BCAS3: variants seen among roughly 807,000 people sequenced by gnomAD.
BCAS3 encodes the protein BCAS4/BCAS3 fusion.
In BCAS3, 53 loss-of-function variants were observed where a neutral mutation model predicts 116.1. The ratio of observed to expected loss-of-function variants is 0.46; its 90% CI spans 0.37 to 0.57. The LOEUF (loss-of-function observed/expected upper bound fraction) is 0.57, where lower values mean the gene tolerates loss of function less well. BCAS3 is among the 20% of genes least tolerant of loss of function. The pLI is 0.00. For synonymous variants in BCAS3, 391 were observed against 408.2 expected, an observed-to-expected ratio of 0.96 and a Z score of 0.51; for missense variants, 917 against 1,165.4, an observed-to-expected ratio of 0.79 and a Z score of 3.10.
chr17:60,767,773 C>T (rs990775839), intron 6 of BCAS3, among the ~76,000 whole-genome samples: 9 of 151,944 alleles, frequency 5.9e-5, no homozygotes, highest in East Asian at 1.9e-4. Flanking sequence ...GTTAAATGGT[C>T]GAGTTGCTTC....
intron 22 of BCAS3, among the ~76,000 whole-genome samples, chr17:61,146,173 C>T (rs1014245092): frequency 1.4e-5 from 2 of 147,832 alleles, no homozygotes; most frequent in Non-Finnish European, 3.0e-5. Context: ...GGGATGTGAT[C>T]ACGGCTCACT....
At chr17:61,321,177 C>G (rs2055183562) in intron 22 of BCAS3, among the ~76,000 whole-genome samples, 1 of 152,042 alleles carries the variant, frequency 6.6e-6, no homozygotes, top group African/African-American at 2.4e-5. Flanking sequence ...TCTCCAGCTT[C>G]CCTTACCTCT....
Position 61,037,947 on chromosome 17 carries a change from A to G in BCAS3, c.1821A>G (p.Leu607=). 1 of 1,614,076 alleles carries G rather than the reference A, an allele frequency of 6.2e-7. No individual in the cohort carries two copies. Among genetic ancestry groups the G allele is most frequent in the Non-Finnish European group, 8.5e-7 (1 of 1,179,912 alleles). The change falls in exon 18 of 24, where the codon TTA becomes TTG. Residue 607 remains leucine (L), a synonymous_variant. Coordinates refer to ENST00000407086, the MANE Select transcript of BCAS3 (RefSeq NM_017679.5). This position sits in a 1 kb window ranked among gnomAD's most constrained non-coding sequence, Gnocchi z 4.7. ...ACATTATCAGTTGCTATGGCACCTT[A>G]GTGGAACACATGATGGAGCCGCGAC... ...SLYIISCYGT[L]VEHMMEPRPL... is the part of the protein sequence containing the mutation.
intron 15 of BCAS3, among the ~76,000 whole-genome samples, chr17:61,015,287 C>T (rs1306136815): frequency 6.6e-6 from 1 of 152,142 alleles, no homozygotes; most frequent in African/African-American, 2.4e-5. Context: ...CAGAATACTT[C>T]TTTTTTGTTT....
rs2079410683 is a variant in BCAS3 at position 61,180,404 on chromosome 17, A to G, written c.2425+95840A>G. 6.6e-6 allele frequency among the ~76,000 whole-genome samples: 1 copy of G among 152,236 alleles called. No homozygotes were observed. Among genetic ancestry groups the G allele is most frequent in the Non-Finnish European group, 1.5e-5 (1 of 68,042 alleles). On this transcript the variant is annotated intron_variant, in intron 22 of 23. Coordinates refer to ENST00000407086, the MANE Select transcript of BCAS3 (RefSeq NM_017679.5). This position sits in a 1 kb window ranked among gnomAD's most constrained non-coding sequence, Gnocchi z 6.0. ...GCTGTAATAAATAAACTCTAAGCCAATGTACTGTTAAACTGGGAGCCACTG... is the reference window on the plus strand; with the variant it reads ...GCTGTAATAAATAAACTCTAAGCCAGTGTACTGTTAAACTGGGAGCCACTG...
chr17:60,998,683 G>A (rs2064011372), intron 15 of BCAS3, among the ~76,000 whole-genome samples: 1 of 151,968 alleles, frequency 6.6e-6, no homozygotes, highest in African/African-American at 2.4e-5. Context: ...GGGGTCATTT[G>A]TTTTTTGCTT....
chr17:60,876,011 T>G (rs1339446699), intron 9 of BCAS3, among the ~76,000 whole-genome samples: 1 of 152,048 alleles, frequency 6.6e-6, no homozygotes, highest in Non-Finnish European at 1.5e-5. Flanking sequence ...TATCTACGTC[T>G]GAAAGATAAG....
intron 22 of BCAS3, among the ~76,000 whole-genome samples, chr17:61,117,016 A>G (rs1267237073): frequency 1.3e-5 from 2 of 152,036 alleles, no homozygotes; most frequent in Admixed American, 1.3e-4. Context: ...AGCTTCTTTA[A>G]TGTGTCAATT....
At chr17:60,883,455 C>T (rs1599410446) in intron 9 of BCAS3, among the ~76,000 whole-genome samples, 2 of 102,710 alleles carry the variant, frequency 1.9e-5, no homozygotes, top group South Asian at 4.1e-4. Flanking sequence ...GCCTAATTGC[C>T]CTGGCCAGAA....
intron 14 of BCAS3, among the ~76,000 whole-genome samples, chr17:60,948,405 T>C (rs2060642870): frequency 6.6e-6 from 1 of 152,204 alleles, no homozygotes. Flanking sequence ...ATTATAGGCA[T>C]GAGCCACCGC....
chr17:61,027,614 G>T (rs1463538202), intron 16 of BCAS3, among the ~76,000 whole-genome samples: 2 of 151,898 alleles, frequency 1.3e-5, no homozygotes, highest in Non-Finnish European at 2.9e-5. Context: ...AGTAGAATGT[G>T]TTAAGAATGG....
Position 60,961,617 on chromosome 17 carries a change from AT to A in BCAS3, c.1221+14266del, listed in dbSNP as rs1252265956. ...TTTCTCCTTTTTTATACTTAAAAAA[AT>A]ATACATATAAAATTTACTATCTTTA... On this transcript the variant is annotated intron_variant, in intron 14 of 23. Coordinates refer to ENST00000407086, the MANE Select transcript of BCAS3 (RefSeq NM_017679.5). The surrounding 1 kb of genome is among the most constrained non-coding windows in gnomAD (Gnocchi z 4.8). Among the ~76,000 whole-genome samples, 2 of 152,184 alleles carry A rather than the reference AT, an allele frequency of 1.3e-5. No homozygotes were observed. Among genetic ancestry groups the A allele is most frequent in the Admixed American group, 1.3e-4 (2 of 15,268 alleles).
intron 22 of BCAS3, among the ~76,000 whole-genome samples, chr17:61,252,204 A>G (rs1700179014): frequency 1.3e-5 from 2 of 152,186 alleles, no homozygotes; most frequent in Admixed American, 1.3e-4. Flanking sequence ...ATGGTTTCCA[A>G]ATGTAGTCTG....
At position 61,087,844 on chromosome 17, in the gene BCAS3, G is replaced by A. The variant is rs1234745567; in HGVS notation, c.2425+3280G>A. Among the ~76,000 whole-genome samples the A allele has an allele frequency of 1.3e-5, 2 of 152,086 alleles. No homozygotes were observed. Among genetic ancestry groups the A allele is most frequent in the Admixed American group, 1.3e-4 (2 of 15,260 alleles). The stretch of plus-strand genomic sequence containing the variant: ...TTCTATAACTGCTTGATGAGTAGAT[G>A]TTATTCCCATAACATCTGTCTCATC... On this transcript the variant is annotated intron_variant, in intron 22 of 23. Coordinates refer to ENST00000407086, the MANE Select transcript of BCAS3 (RefSeq NM_017679.5). The surrounding 1 kb of genome is among the most constrained non-coding windows in gnomAD (Gnocchi z 4.6).
At position 61,219,765 on chromosome 17, in the gene BCAS3, G is replaced by C. The variant is rs1401428634; in HGVS notation, c.2425+135201G>C. On this transcript the variant is annotated intron_variant, in intron 22 of 23. Transcript: ENST00000407086. The surrounding 1 kb of genome is among the most constrained non-coding windows in gnomAD (Gnocchi z 5.2). ...TGCTTGTTTAGATGGCCGCCTTCCT[G>C]GTGACAAGCACTTCTTATTTGGGCT... 1.3e-5 allele frequency among the ~76,000 whole-genome samples: 2 copies of C among 152,086 alleles called. No individual in the cohort carries two copies. The highest frequency in any genetic ancestry group is 3.9e-4 in the East Asian group (2 of 5,188).
At position 61,315,088 on chromosome 17, in the gene BCAS3, G is replaced by A. The variant is rs760998339; in HGVS notation, c.2426-53239G>A. 6.6e-6 allele frequency among the ~76,000 whole-genome samples: 1 copy of A among 151,978 alleles called. No homozygotes were observed. Among genetic ancestry groups the A allele is most frequent in the Admixed American group, 6.6e-5 (1 of 15,264 alleles). ...ATTCCAGGGGCAGTCTCCTCCACAC[G>A]CCACACTGCTCAGCCTACACTCCCT... On this transcript the variant is annotated intron_variant, in intron 22 of 23. Coordinates refer to ENST00000407086, the MANE Select transcript of BCAS3 (RefSeq NM_017679.5). The surrounding 1 kb of genome is among the most constrained non-coding windows in gnomAD (Gnocchi z 5.3).
Position 61,026,292 on chromosome 17 carries a change from A to C in BCAS3, c.1638-8374A>C, listed in dbSNP as rs1368998170. ...TCCTAATTTCCTGGATTATGGCCAAAAATAGAGAAAAATTATACTAGTTGT... is the reference window on the plus strand; with the variant it reads ...TCCTAATTTCCTGGATTATGGCCAACAATAGAGAAAAATTATACTAGTTGT... On this transcript the variant is annotated intron_variant, in intron 16 of 23. Coordinates refer to ENST00000407086, the MANE Select transcript of BCAS3 (RefSeq NM_017679.5). This position sits in a 1 kb window ranked among gnomAD's most constrained non-coding sequence, Gnocchi z 5.0. 1.3e-5 allele frequency among the ~76,000 whole-genome samples: 2 copies of C among 152,078 alleles called. No individual in the cohort carries two copies. Among genetic ancestry groups the C allele is most frequent in the African/African-American group, 4.8e-5 (2 of 41,454 alleles).
intron 22 of BCAS3, among the ~76,000 whole-genome samples, chr17:61,287,914 G>T (rs75354785): frequency 0.059 from 8,980 of 152,184 alleles, 354 homozygotes; most frequent in African/African-American, 0.12. Flanking sequence ...CATTGAAAAG[G>T]TACCATTATT....
intron 22 of BCAS3, among the ~76,000 whole-genome samples, chr17:61,121,828 T>G (rs774197782): frequency 6.6e-6 from 1 of 152,144 alleles, no homozygotes; most frequent in Non-Finnish European, 1.5e-5. Flanking sequence ...CCTCCCGGGT[T>G]CAAGCAGTTC....
Sources: allele counts gnomAD v4.1 joint callset (sites outside exome capture counted in the v4.1 genomes callset), GRCh38; gene constraint gnomAD v4.1.1; non-coding constraint Gnocchi (gnomAD v3.1); transcripts MANE v1.5; gene names NCBI Gene and HGNC (gene_info 2026-07-23, HGNC 2026-07-21).